The following TAMM41 variants were observed in gnomAD, a reference collection of about 807,000 sequenced individuals.
TAMM41 encodes the protein TAM41 mitochondrial translocator assembly and maintenance homolog.
Under a neutral mutation model 44.1 loss-of-function variants are expected in TAMM41, and 36 were observed. That is an observed-to-expected ratio of 0.82 (90% confidence interval 0.63 to 1.08). The LOEUF is 1.08. TAMM41 is among the 50% of genes least tolerant of loss of function. The pLI is 0.00. For synonymous variants in TAMM41, 164 were observed against 153.1 expected (o/e 1.07, Z -0.53); for missense variants, 417 against 404.3 (o/e 1.03, Z -0.27).
chr3:11,763,530 T>C, the TAMM41 span, among the ~76,000 whole-genome samples: 4 of 152,202 alleles, frequency 2.6e-5, no homozygotes, highest in African/African-American at 9.7e-5. Context: ...ATTTTACTTC[T>C]CTCTTTAATT....
chr3:11,765,993 A>G, the TAMM41 span, among the ~76,000 whole-genome samples: 1 of 151,980 alleles, frequency 6.6e-6, no homozygotes, highest in Admixed American at 6.6e-5. Context: ...GAGCAACCAC[A>G]CCCAGCCTGG....
In TAMM41 at chr3:11,806,221, C is replaced by T. The variant is rs573219024; in HGVS notation, c.937+1612G>A. ...CGCAGCGTTGTGTTCACTTTTGTAT[C>T]CCGAGCAGCTGGCACATGAGAGATG... On this transcript the variant is annotated intron_variant, in intron 7 of 7. Coordinates refer to ENST00000455809, the MANE Select transcript of TAMM41 (RefSeq NM_001284401.2). 1.4e-4 allele frequency among the ~76,000 whole-genome samples: 21 copies of T among 152,272 alleles called. No individual in the cohort carries two copies. The South Asian group carries it at 4.1e-3, about 30-fold the overall frequency.
At chr3:11,772,599 T>C in the TAMM41 span, among the ~76,000 whole-genome samples, 1 of 152,178 alleles carries the variant, frequency 6.6e-6, no homozygotes, top group Non-Finnish European at 1.5e-5. Flanking sequence ...GATCCTTGGT[T>C]GATGGACAGT....
the TAMM41 span, among the ~76,000 whole-genome samples, chr3:11,724,563 C>A: frequency 6.6e-6 from 1 of 152,022 alleles, no homozygotes; most frequent in Non-Finnish European, 1.5e-5. Flanking sequence ...TAGCAGGCGC[C>A]TGCCACCACG....
At chr3:11,836,981 A>G (rs1255800984) in intron 3 of TAMM41, among the ~76,000 whole-genome samples, 1 of 152,232 alleles carries the variant, frequency 6.6e-6, no homozygotes, top group Non-Finnish European at 1.5e-5. Context: ...GTTACAGTGA[A>G]GTGCACACAT....
chr3:11,821,383 C>T (rs1341574782), intron 4 of TAMM41, among the ~76,000 whole-genome samples: 1 of 152,174 alleles, frequency 6.6e-6, no homozygotes, highest in African/African-American at 2.4e-5. Flanking sequence ...ATTTGATTCT[C>T]ATAAAAAGCC....
chr3:11,795,897 A>C (rs947886579), intron 7 of TAMM41, among the ~76,000 whole-genome samples: 9 of 152,194 alleles, frequency 5.9e-5, no homozygotes, highest in African/African-American at 2.2e-4. Flanking sequence ...GAGGCTAAAT[A>C]GTCTTTTGGT....
chr3:11,831,484 A>T (rs1040803015), intron 3 of TAMM41, among the ~76,000 whole-genome samples: 17 of 152,342 alleles, frequency 1.1e-4, no homozygotes, highest in Admixed American at 9.1e-4. Context: ...AAGGACTCTC[A>T]TATGTCTAAA....
chr3:11,844,663 C>T (rs746632963), intron 1 of TAMM41, among the ~76,000 whole-genome samples: 12 of 152,172 alleles, frequency 7.9e-5, no homozygotes, highest in Non-Finnish European at 1.3e-4. Flanking sequence ...AAATGTGCTC[C>T]GCTTTTCTTC....
intron 5 of TAMM41, 92 bp from the exon 6 acceptor site, chr3:11,809,774 A>G: frequency 2.3e-6 from 3 of 1,326,878 alleles, no homozygotes; most frequent in Admixed American, 2.3e-5. Flanking sequence ...AAAATCACAC[A>G]AACATATATG....
intron 4 of TAMM41, among the ~76,000 whole-genome samples, chr3:11,824,032 G>A (rs1031940169): frequency 6.6e-6 from 1 of 151,760 alleles, no homozygotes; most frequent in African/African-American, 2.4e-5. Flanking sequence ...TCACCATGTT[G>A]GCCAGACTGG....
chr3:11,791,130 G>A lies in TAMM41; in HGVS notation c.938-549C>T, dbSNP rs73813051. On this transcript the variant is annotated intron_variant, in intron 7 of 7. Coordinates refer to ENST00000455809, the MANE Select transcript of TAMM41 (RefSeq NM_001284401.2). Reference sequence around the variant, plus strand: ...CTGTGCTCACTCAACACACTGTGCAGTACGTGTGGGCCGATTCACCCACGC... The same window carrying A: ...CTGTGCTCACTCAACACACTGTGCAATACGTGTGGGCCGATTCACCCACGC... 3.3e-3 allele frequency among the ~76,000 whole-genome samples: 496 copies of A among 152,328 alleles called. 1 individual carries two copies. The highest frequency in any genetic ancestry group is 0.024 in the Middle Eastern group (7 of 294).
the TAMM41 span, among the ~76,000 whole-genome samples, chr3:11,744,846 G>T: frequency 4.6e-5 from 7 of 150,960 alleles, no homozygotes; most frequent in African/African-American, 1.7e-4. Flanking sequence ...GAGCAACACT[G>T]CAAGACCTCA....
the TAMM41 span, among the ~76,000 whole-genome samples, chr3:11,742,459 A>G: frequency 1.3e-5 from 2 of 150,514 alleles, no homozygotes; most frequent in South Asian, 4.2e-4. Context: ...CATGGGATGG[A>G]AGAACCACAG....
At chr3:11,751,740 G>A in the TAMM41 span, among the ~76,000 whole-genome samples, 486 of 152,326 alleles carry the variant, frequency 3.2e-3, no homozygotes, top group Non-Finnish European at 5.2e-3. Context: ...ACTCCCTGCC[G>A]CACTTGCCAC....
intron 7 of TAMM41, among the ~76,000 whole-genome samples, chr3:11,801,460 G>A (rs1319442506): frequency 2.0e-5 from 3 of 152,056 alleles, no homozygotes; most frequent in Admixed American, 2.0e-4. Context: ...GAGTAGCTGG[G>A]ACTACAGGCA....
the TAMM41 span, among the ~76,000 whole-genome samples, chr3:11,763,701 C>T: frequency 3.9e-5 from 6 of 152,150 alleles, no homozygotes; most frequent in African/African-American, 1.2e-4. Flanking sequence ...AAACCAATTA[C>T]GTGGGTGTTA....
At chr3:11,819,773 T>C (rs2078437513) in intron 4 of TAMM41, among the ~76,000 whole-genome samples, 1 of 151,996 alleles carries the variant, frequency 6.6e-6, no homozygotes, top group African/African-American at 2.4e-5. Context: ...AAAAACTTCA[T>C]AAAAAATGAG....
chr3:11,782,273 T>C, the TAMM41 span, among the ~76,000 whole-genome samples: 1 of 152,056 alleles, frequency 6.6e-6, no homozygotes, highest in Non-Finnish European at 1.5e-5. Flanking sequence ...GGGCTGGGTG[T>C]GGTGGCTCAC....
Sources: allele counts gnomAD v4.1 joint callset (sites outside exome capture counted in the v4.1 genomes callset), GRCh38; gene constraint gnomAD v4.1.1; transcripts MANE v1.5; gene names NCBI Gene and HGNC (gene_info 2026-07-23, HGNC 2026-07-21).